LRRC49: variants seen among roughly 807,000 people sequenced by gnomAD.
The protein encoded by LRRC49 is leucine rich repeat containing 49.
A neutral mutation model predicts 83.3 loss-of-function variants in LRRC49; 50 were observed. The observed-to-expected ratio is 0.60, with a 90% CI of 0.48 to 0.76. The LOEUF (loss-of-function observed/expected upper bound fraction) is 0.76. Among genes scored for constraint, LRRC49 ranks in the 30% least tolerant of loss-of-function variants. The pLI is 0.00. For missense variants in LRRC49, 704 were observed against 809.1 expected (o/e 0.87, Z 1.58); for synonymous variants, 286 against 283.3 (o/e 1.01, Z -0.10).
At chr15:70,900,723 C>T (rs1416100987) in intron 3 of LRRC49, 199 bp from the exon 4 acceptor site, 2 of 532,734 alleles carry the variant, frequency 3.8e-6, no homozygotes, top group Non-Finnish European at 6.8e-6. Context: ...ATTTGGCATA[C>T]ATGGAACACA....
chr15:70,956,208 A>T (rs1392728893), intron 8 of LRRC49, among the ~76,000 whole-genome samples: 1 of 152,120 alleles, frequency 6.6e-6, no homozygotes, highest in South Asian at 2.1e-4. Flanking sequence ...TGGGAATTTT[A>T]TTTCTTTCTC....
intron 15 of LRRC49, among the ~76,000 whole-genome samples, chr15:71,045,165 A>AT (rs2141310660): frequency 6.6e-6 from 1 of 152,248 alleles, no homozygotes; most frequent in African/African-American, 2.4e-5. Flanking sequence ...GAGTGCTGGG[A>AT]TTGTAGGCGT....
At chr15:70,931,161 T>A (rs1458960670) in intron 7 of LRRC49, among the ~76,000 whole-genome samples, 1 of 152,186 alleles carries the variant, frequency 6.6e-6, no homozygotes, top group Non-Finnish European at 1.5e-5. Context: ...GACTTGTAAC[T>A]CATTTTTTCA....
intron 1 of LRRC49, 81 bp downstream of exon 1, chr15:70,893,023 AT>A (rs1048573558): frequency 6.7e-7 from 1 of 1,485,026 alleles, no homozygotes; most frequent in Non-Finnish European, 9.4e-7. Context: ...GATGGGCTGT[AT>A]TATTAGGACC....
chr15:70,930,525 A>G (rs935611606), intron 7 of LRRC49, among the ~76,000 whole-genome samples: 4 of 152,258 alleles, frequency 2.6e-5, no homozygotes, highest in African/African-American at 7.2e-5. Context: ...CTTAATGTCA[A>G]CAACTTTGTT....
chr15:70,895,617 C>A, intron 2 of LRRC49: 1 of 407,842 alleles, frequency 2.5e-6, no homozygotes, highest in Non-Finnish European at 4.4e-6. Context: ...TAAGCAGTTA[C>A]TTCCCATTCC....
chr15:70,973,413 C>T (rs949632912), intron 9 of LRRC49, among the ~76,000 whole-genome samples: 1 of 152,206 alleles, frequency 6.6e-6, no homozygotes, highest in Admixed American at 6.5e-5. Context: ...TATGAAGTGT[C>T]TGTCAACACC....
chr15:70,984,181 A>G lies in LRRC49; in HGVS notation c.1093A>G (p.Arg365Gly). 2 of 1,613,528 alleles carry G rather than the reference A, an allele frequency of 1.2e-6. No homozygotes were observed. The highest frequency in any genetic ancestry group is 8.5e-7 in the Non-Finnish European group (1 of 1,179,584). The stretch of plus-strand genomic sequence containing the variant: ...AGCCAATATTGCTACAAATGAAGAT[A>G]GAAAAGATTCTGACTCTCCTCAGGA... ...RVANIATNED[R>G]KDSDSPQDPC... Residue 365 changes from arginine to glycine, a missense_variant, in exon 11 of 16, where the codon AGA (arginine) becomes GGA (glycine). By Grantham distance (125) the Arg-to-Gly change is moderately radical. Coordinates refer to ENST00000260382, the MANE Select transcript of LRRC49 (RefSeq NM_017691.5).
chr15:70,933,819 G>C (rs570280233), intron 7 of LRRC49, among the ~76,000 whole-genome samples: 25 of 152,312 alleles, frequency 1.6e-4, no homozygotes, highest in African/African-American at 4.8e-4. Flanking sequence ...GGTTGACAAA[G>C]CACGGTGAGG....
chr15:71,023,996 C>A (rs1596151886), intron 14 of LRRC49, among the ~76,000 whole-genome samples: 2 of 152,144 alleles, frequency 1.3e-5, no homozygotes, highest in African/African-American at 4.8e-5. Flanking sequence ...CACTGAGCTC[C>A]CAGAGACAGG....
chr15:70,957,528 A>G (rs1214578777), intron 8 of LRRC49, among the ~76,000 whole-genome samples: 1 of 152,038 alleles, frequency 6.6e-6, no homozygotes, highest in Non-Finnish European at 1.5e-5. Context: ...ATTCCAGTTC[A>G]TCACATTTTT....
chr15:70,948,362 T>C (rs942701650), intron 8 of LRRC49, among the ~76,000 whole-genome samples: 1 of 152,188 alleles, frequency 6.6e-6, no homozygotes, highest in African/African-American at 2.4e-5. Context: ...CTACTGCTTT[T>C]CATTCTACCA....
chr15:70,959,536 GGGAAGGAAGGAAGGAAGGAA>G (rs375526332), intron 8 of LRRC49, among the ~76,000 whole-genome samples: 7,430 of 79,560 alleles, frequency 0.093, 406 homozygotes, highest in African/African-American at 0.15. Context: ...GAGGAAAGGA[GGGAAGGAAGGAAGGAAGGAA>G]GGAAGGAAGG....
At position 70,865,915 on chromosome 15, in the gene LRRC49, C is replaced by T. The variant is rs906083120; in HGVS notation, c.-298-6993C>T. ...GAAACATTTTTTAAAATGAATAATCCGATATTATGCAGCCACACTTGGTTA... is the reference window on the plus strand; with the variant it reads ...GAAACATTTTTTAAAATGAATAATCTGATATTATGCAGCCACACTTGGTTA... On this transcript the variant is annotated intron_variant, in intron 1 of 16. Transcript: ENST00000544974. 7.9e-5 allele frequency among the ~76,000 whole-genome samples: 12 copies of T among 152,126 alleles called. No individual in the cohort carries two copies. In the East Asian group the frequency reaches 2.1e-3, roughly 27 times the overall value.
rs886064912 is a variant in LRRC49 at position 71,040,635 on chromosome 15, C to T, written c.1857+3303C>T. On this transcript the variant is annotated intron_variant, in intron 15 of 15. Coordinates refer to ENST00000260382, the MANE Select transcript of LRRC49 (RefSeq NM_017691.5). Reference sequence around the variant, plus strand: ...GAGATCGAGACCATCCTGGCTAACACGGTGAAACCCCGTCTCTATTAAAAA... The same window carrying T: ...GAGATCGAGACCATCCTGGCTAACATGGTGAAACCCCGTCTCTATTAAAAA... Among the ~76,000 whole-genome samples, 11 of 151,732 alleles carry T rather than the reference C, an allele frequency of 7.2e-5. No individual in the cohort carries two copies. The East Asian group carries it at 1.6e-3, about 21-fold the overall frequency.
At chr15:70,940,082 A>G (rs905148445) in intron 8 of LRRC49, among the ~76,000 whole-genome samples, 1 of 151,686 alleles carries the variant, frequency 6.6e-6, no homozygotes, top group Non-Finnish European at 1.5e-5. Context: ...TTCTCCTTGC[A>G]TTTTTCTCAA....
At chr15:70,914,649 G>A (rs188585774) in intron 6 of LRRC49, among the ~76,000 whole-genome samples, 2 of 152,322 alleles carry the variant, frequency 1.3e-5, no homozygotes, top group Admixed American at 6.5e-5. Flanking sequence ...AGTGAATACA[G>A]AGGAATCTAG....
rs766515222 is a variant in LRRC49, at chr15:70,984,187, G to C, written c.1099G>C (p.Asp367His). 3 of 1,613,432 alleles carry C rather than the reference G, an allele frequency of 1.9e-6. No individual in the cohort carries two copies. The highest frequency in any genetic ancestry group is 1.1e-5 in the South Asian group (1 of 91,040). ...ANIATNEDRKDSDSPQDPCQI... is the reference protein window; with the variant it reads ...ANIATNEDRKHSDSPQDPCQI... ...TATTGCTACAAATGAAGATAGAAAA[G>C]ATTCTGACTCTCCTCAGGACCCCTG... Residue 367 changes from aspartate (D) to histidine (H), a missense_variant, in exon 11 of 16, where the codon GAT becomes CAT. Asp to His is a moderately conservative substitution (Grantham distance 81). This residue lies in a region of LRRC49 where 168 missense variants were observed against 140.6 expected (regional missense o/e 1.20). Transcript: ENST00000260382.
chr15:70,938,500 C>T (rs529522614), intron 8 of LRRC49, among the ~76,000 whole-genome samples: 87 of 152,144 alleles, frequency 5.7e-4, no homozygotes, highest in African/African-American at 2.0e-3. Context: ...CAGTATGTTT[C>T]CTGCTCTGTT....
Sources: allele counts gnomAD v4.1 joint callset (sites outside exome capture counted in the v4.1 genomes callset), GRCh38; gene constraint gnomAD v4.1.1; regional missense constraint gnomAD v4.1.1; transcripts MANE v1.5; gene names NCBI Gene and HGNC (gene_info 2026-07-23, HGNC 2026-07-21).